Variants in ZNF341 observed in about 807,000 individuals in gnomAD.
The protein encoded by ZNF341 is zinc finger protein 341.
A neutral mutation model predicts 87.7 loss-of-function variants in ZNF341; 52 were observed. The observed-to-expected ratio is 0.59, with a 90% CI of 0.47 to 0.75. ZNF341 has a LOEUF of 0.75. Among genes scored for constraint, ZNF341 ranks in the 30% least tolerant of loss-of-function variants. The probability of loss-of-function intolerance (pLI) is 0.00; values close to 1 mark genes in which losing one functional copy is unlikely to be tolerated. For missense variants in ZNF341, 977 were observed against 1,145.9 expected (o/e 0.85, Z 2.13); for synonymous variants, 459 against 472.7 (o/e 0.97, Z 0.38).
intron 3 of ZNF341, among the ~76,000 whole-genome samples, chr20:33,745,962 G>A (rs1219882419): frequency 1.5e-5 from 2 of 134,378 alleles, no homozygotes; most frequent in Admixed American, 8.3e-5. Flanking sequence ...ACGGAGTCTT[G>A]CTCTGTTGCC....
chr20:33,745,362 G>T (rs1034971595), intron 3 of ZNF341, 63 bp downstream of exon 3: 37 of 1,504,174 alleles, frequency 2.5e-5, no homozygotes, highest in Non-Finnish European at 3.2e-5. Context: ...CAGGCACTGT[G>T]CTGGGCACTG....
intron 4 of ZNF341, chr20:33,752,397 G>A (rs6088294): frequency 0.015 from 9,638 of 625,988 alleles, 131 homozygotes; most frequent in Non-Finnish European, 0.018. Context: ...GCAAGTTTCC[G>A]AATCTCTTTG....
At chr20:33,750,971 C>T (rs975410156) in intron 4 of ZNF341, among the ~76,000 whole-genome samples, 1 of 151,510 alleles carries the variant, frequency 6.6e-6, no homozygotes, top group African/African-American at 2.4e-5. Flanking sequence ...GACAGAGTCT[C>T]GCTATGTTAC....
chr20:33,734,904 C>T (rs2018646638), intron 1 of ZNF341, among the ~76,000 whole-genome samples: 1 of 152,048 alleles, frequency 6.6e-6, no homozygotes, highest in Non-Finnish European at 1.5e-5. Flanking sequence ...GGGGGTTTCA[C>T]CATGTTGGCC....
At chr20:33,762,096 T>C in intron 8 of ZNF341, 41 bp downstream of exon 8, 2 of 1,464,690 alleles carry the variant, frequency 1.4e-6, no homozygotes, top group South Asian at 2.9e-5. Context: ...CACACCTCTC[T>C]TCTGCCGCTT....
At chr20:33,760,141 G>A (rs567331753) in intron 7 of ZNF341, among the ~76,000 whole-genome samples, 1 of 152,172 alleles carries the variant, frequency 6.6e-6, no homozygotes, top group Non-Finnish European at 1.5e-5. Flanking sequence ...GGTGGCTCAC[G>A]CCTGTAATCC....
At chr20:33,764,235 GCC>G (rs2019351587) in intron 8 of ZNF341, among the ~76,000 whole-genome samples, 1 of 149,972 alleles carries the variant, frequency 6.7e-6, no homozygotes, top group Non-Finnish European at 1.5e-5. Context: ...CACTGTGTTA[GCC>G]AGGATGGTCT....
At chr20:33,761,814 C>G in intron 7 of ZNF341, 48 bp from the exon 8 acceptor site, 1 of 1,398,166 alleles carries the variant, frequency 7.2e-7, no homozygotes, top group Non-Finnish European at 9.5e-7. Flanking sequence ...GGGCTGAGGC[C>G]TCGTCCCCGT....
rs184936741 is a variant in ZNF341 at position 33,761,983 on chromosome 20, G to A, written c.1150G>A (p.Val384Met). 7 of 1,606,414 alleles carry A rather than the reference G, an allele frequency of 4.4e-6. No homozygotes were observed. The highest frequency in any genetic ancestry group is 2.2e-5 in the East Asian group (1 of 44,678). ...GCCTCCAGGACACAGTGGTGGCACC[G>A]TGTCTCGAAACTCTGTGACCGTACA... ...VWPPGHSGGTVSRNSVTVQVM... is the reference protein window; with the variant it reads ...VWPPGHSGGTMSRNSVTVQVM... The change falls in exon 8 of 15, where the codon GTG becomes ATG. Residue 384 changes from valine to methionine, a missense_variant. Val to Met is a conservative substitution (Grantham distance 21, BLOSUM62 1). Coordinates refer to ENST00000375200, the MANE Select transcript of ZNF341 (RefSeq NM_001282933.2).
chr20:33,736,310 G>T (rs1159981084), intron 1 of ZNF341, among the ~76,000 whole-genome samples: 1 of 151,848 alleles, frequency 6.6e-6, no homozygotes, highest in Non-Finnish European at 1.5e-5. Flanking sequence ...GACAGAGAAA[G>T]ACGCCTGACC....
intron 1 of ZNF341, among the ~76,000 whole-genome samples, chr20:33,739,502 T>TGA (rs1196545997): frequency 2.6e-5 from 4 of 152,200 alleles, no homozygotes; most frequent in African/African-American, 9.6e-5. Context: ...ACTTCAACTG[T>TGA]GATAACTGAT....
chr20:33,768,995 G>A (rs2019468555), intron 9 of ZNF341, among the ~76,000 whole-genome samples: 1 of 151,900 alleles, frequency 6.6e-6, no homozygotes, highest in Non-Finnish European at 1.5e-5. Context: ...AACTGTCAAT[G>A]AAAAAAAGAG....
At position 33,783,524 on chromosome 20, in the gene ZNF341, A is replaced by G. The variant is rs922105480; in HGVS notation, c.1720-208A>G. Among the ~76,000 whole-genome samples, 4 of 152,204 alleles carry G rather than the reference A, an allele frequency of 2.6e-5. No homozygotes were observed. In the East Asian group the frequency reaches 7.7e-4, roughly 29 times the overall value. ...CTCTGGGTGGGAAGAACATCCGGGC[A>G]AAAGCTCAGGGCAGACATGTTTTGT... is the stretch of plus-strand genomic sequence containing the variant. On this transcript the variant is annotated intron_variant, in intron 11 of 14. Coordinates refer to ENST00000375200, the MANE Select transcript of ZNF341 (RefSeq NM_001282933.2).
Position 33,737,772 on chromosome 20 carries a change from G to A in ZNF341, c.32-3130G>A, listed in dbSNP as rs115185400. Among the ~76,000 whole-genome samples, 249 of 152,238 alleles carry A rather than the reference G, an allele frequency of 1.6e-3. 1 individual carries two copies. Among genetic ancestry groups the A allele is most frequent in the African/African-American group, 5.4e-3 (224 of 41,532 alleles). On this transcript the variant is annotated intron_variant, in intron 1 of 14. Coordinates refer to ENST00000375200, the MANE Select transcript of ZNF341 (RefSeq NM_001282933.2). ...CTGCAGGACTCATTGGCGAGTCTAC[G>A]TGGAGCCATTGGTTGTCAGAAATGC...
At chr20:33,746,947 C>T (rs1280673974) in intron 3 of ZNF341, among the ~76,000 whole-genome samples, 1 of 152,054 alleles carries the variant, frequency 6.6e-6, no homozygotes, top group African/African-American at 2.4e-5. Flanking sequence ...AGTTGAGATG[C>T]CTGCCAACCT....
Position 33,789,372 on chromosome 20 carries a change from C to T in ZNF341, c.1965-146C>T, listed in dbSNP as rs2019947825. ...CTCTCTCCTTTTATCCTGTCCTGGG[C>T]CCTGCCTGCCTCACTTCCCACCCTA... is the stretch of plus-strand genomic sequence containing the variant. On this transcript the variant is annotated intron_variant, in intron 13 of 14. Transcript: ENST00000375200. 20 of 772,026 alleles carry T rather than the reference C, an allele frequency of 2.6e-5. No individual in the cohort carries two copies. In the Admixed American group the frequency reaches 3.7e-4, roughly 14 times the overall value. The allele number at this position is 772,026 out of a possible 1,614,324, so 47.8% of individuals were successfully genotyped here.
chr20:33,785,585 C>T (rs2019837572), intron 12 of ZNF341, among the ~76,000 whole-genome samples: 1 of 152,114 alleles, frequency 6.6e-6, no homozygotes, highest in African/African-American at 2.4e-5. Context: ...TACCCACCCA[C>T]CTTGGCCTCT....
At position 33,748,875 on chromosome 20, in the gene ZNF341, C is replaced by G. The variant is rs376356735; in HGVS notation, c.340-48C>G. The G allele has an allele frequency of 4.4e-5, 69 of 1,561,020 alleles. No homozygotes were observed. In the African/African-American group the frequency reaches 8.6e-4, roughly 19 times the overall value. On this transcript the variant is annotated intron_variant, in intron 3 of 14. Transcript: ENST00000375200. ...ACACACGCACACATGAGCACACACA[C>G]ACTCTGTCTCTCTCCGTCTCACTCA...
At chr20:33,746,971 G>A (rs969092069) in intron 3 of ZNF341, among the ~76,000 whole-genome samples, 1 of 152,176 alleles carries the variant, frequency 6.6e-6, no homozygotes, top group Non-Finnish European at 1.5e-5. Context: ...AACGGAGGCA[G>A]TGACAAAGTA....
Sources: allele counts gnomAD v4.1 joint callset (sites outside exome capture counted in the v4.1 genomes callset), GRCh38; gene constraint gnomAD v4.1.1; transcripts MANE v1.5; gene names NCBI Gene and HGNC (gene_info 2026-07-23, HGNC 2026-07-21).